The following GMPR variants were observed in gnomAD, a reference collection of about 807,000 sequenced individuals.
The protein encoded by GMPR is GMP reductase 1.
Under a neutral mutation model 38.4 loss-of-function variants are expected in GMPR, and 31 were observed. The observed-to-expected ratio is 0.81, with a 90% CI of 0.61 to 1.09. The LOEUF is 1.09. Ranked by LOEUF, GMPR falls within the 50% of genes least tolerant of loss-of-function variation. The pLI, the probability that GMPR is intolerant of heterozygous loss-of-function variation, is 0.00. For synonymous variants in GMPR, 162 were observed against 173.3 expected (o/e 0.93, Z 0.51); for missense variants, 468 against 453.7 (o/e 1.03, Z -0.29).
At chr6:16,247,591 C>T (rs1185188983) in intron 2 of GMPR, among the ~76,000 whole-genome samples, 2 of 152,106 alleles carry the variant, frequency 1.3e-5, no homozygotes, top group Non-Finnish European at 2.9e-5. Flanking sequence ...GCCAAGCTGG[C>T]CTTGAACTCC....
chr6:16,282,343 A>G (rs1356275389), intron 6 of GMPR, among the ~76,000 whole-genome samples: 1 of 152,250 alleles, frequency 6.6e-6, no homozygotes, highest in Non-Finnish European at 1.5e-5. Context: ...AGAAATACCT[A>G]AACAAATTCA....
intron 1 of GMPR, 54 bp downstream of exon 1, chr6:16,238,834 C>G (rs1327725329): frequency 2.0e-6 from 2 of 1,002,522 alleles, no homozygotes; most frequent in Non-Finnish European, 2.9e-6. Flanking sequence ...CCGGGTGGCG[C>G]GGGGCAAGTG....
At chr6:16,277,002 C>T (rs1316230381) in intron 5 of GMPR, among the ~76,000 whole-genome samples, 2 of 152,178 alleles carry the variant, frequency 1.3e-5, no homozygotes, top group Non-Finnish European at 2.9e-5. Flanking sequence ...TATCAGAACC[C>T]CAGGCCTACT....
chr6:16,280,983 C>G (rs975727118), intron 6 of GMPR, among the ~76,000 whole-genome samples: 3 of 152,096 alleles, frequency 2.0e-5, no homozygotes, highest in Admixed American at 6.5e-5. Flanking sequence ...GCTGTTTGGC[C>G]AAAGATTGGT....
At chr6:16,292,199 A>G (rs1398424532) in intron 8 of GMPR, among the ~76,000 whole-genome samples, 3 of 152,096 alleles carry the variant, frequency 2.0e-5, no homozygotes, top group Non-Finnish European at 4.4e-5. Context: ...TTCCACACCC[A>G]GAGGGTCATT....
At chr6:16,250,173 GA>G in intron 2 of GMPR, 110 bp from the exon 3 acceptor site, 1 of 724,626 alleles carries the variant, frequency 1.4e-6, no homozygotes, top group Non-Finnish European at 2.6e-6. Context: ...ATTAAGCATG[GA>G]TGGCAGGAAC....
intron 4 of GMPR, chr6:16,262,092 A>G (rs1471968648): frequency 6.6e-6 from 1 of 151,852 alleles, no homozygotes; most frequent in Non-Finnish European, 1.5e-5. Context: ...TATAACAGTT[A>G]TGGAGGCAAG....
At chr6:16,251,009 T>C (rs928869771) in intron 3 of GMPR, among the ~76,000 whole-genome samples, 2 of 151,960 alleles carry the variant, frequency 1.3e-5, no homozygotes, top group Non-Finnish European at 2.9e-5. Flanking sequence ...ACCATAAGAG[T>C]TGCCATGTGA....
chr6:16,286,736 C>G (rs1759688980), intron 7 of GMPR, among the ~76,000 whole-genome samples: 1 of 151,648 alleles, frequency 6.6e-6, no homozygotes, highest in Non-Finnish European at 1.5e-5. Flanking sequence ...TACCCCATCT[C>G]TACTAAAAAT....
At chr6:16,278,659 TC>T in intron 5 of GMPR, 124 bp from the exon 6 acceptor site, 1 of 730,494 alleles carries the variant, frequency 1.4e-6, no homozygotes. Flanking sequence ...TCCCCACATC[TC>T]CTCTGCCACA....
intron 4 of GMPR, chr6:16,264,239 T>C (rs1441481064): frequency 6.5e-6 from 1 of 153,402 alleles, no homozygotes; most frequent in African/African-American, 2.4e-5. Flanking sequence ...GGAATTGAAA[T>C]TAAAAGAAGG....
chr6:16,265,511 CT>C (rs1288664822), intron 4 of GMPR, among the ~76,000 whole-genome samples: 1 of 152,172 alleles, frequency 6.6e-6, no homozygotes, highest in Non-Finnish European at 1.5e-5. Context: ...ACTTGGAGAA[CT>C]TTTCTGTCTA....
chr6:16,268,175 A>T (rs1409247945), intron 4 of GMPR, among the ~76,000 whole-genome samples: 3 of 152,210 alleles, frequency 2.0e-5, no homozygotes, highest in African/African-American at 4.8e-5. Context: ...GCTGAAAGCT[A>T]CAAAGGTGAT....
intron 4 of GMPR, among the ~76,000 whole-genome samples, chr6:16,261,279 A>T (rs566357902): frequency 3.3e-5 from 5 of 151,998 alleles, no homozygotes; most frequent in Non-Finnish European, 5.9e-5. Flanking sequence ...GTGTGTTTTT[A>T]TAAGAATTAT....
Position 16,295,236 on chromosome 6 carries a change from T to C in GMPR, c.*50T>C, listed in dbSNP as rs747054019. On this transcript the variant is annotated 3_prime_UTR_variant, in exon 9 of 9. Transcript: ENST00000259727. ...CTCGAGTGGAAGCGTCCAAACCTGCTTTTCCCATCTCCCCCCAAGTCTGTT... is the reference window on the plus strand; with the variant it reads ...CTCGAGTGGAAGCGTCCAAACCTGCCTTTCCCATCTCCCCCCAAGTCTGTT... 7.5e-7 allele frequency: 1 copy of C among 1,337,292 alleles called. No individual in the cohort carries two copies. Among genetic ancestry groups the C allele is most frequent in the South Asian group, 1.6e-5 (1 of 64,516 alleles). The allele number at this position is 1,337,292 out of a possible 1,614,324, so 82.8% of individuals were successfully genotyped here. A position where few individuals can be genotyped will look rare whatever the true frequency, so the allele number is the denominator to read the frequency against.
At chr6:16,267,492 ACACT>A (rs1759280692) in intron 4 of GMPR, among the ~76,000 whole-genome samples, 1 of 152,168 alleles carries the variant, frequency 6.6e-6, no homozygotes. Flanking sequence ...AAGAGCTGTA[ACACT>A]CACTGCAAAG....
intron 6 of GMPR, among the ~76,000 whole-genome samples, chr6:16,284,961 G>C (rs574008038): frequency 6.7e-6 from 1 of 148,888 alleles, no homozygotes; most frequent in Admixed American, 6.7e-5. Flanking sequence ...AGAGGTTGCA[G>C]TGAGCCGAGA....
chr6:16,277,604 T>G (rs1759496717), intron 5 of GMPR, among the ~76,000 whole-genome samples: 1 of 152,230 alleles, frequency 6.6e-6, no homozygotes, highest in Non-Finnish European at 1.5e-5. Flanking sequence ...TTATTGTATA[T>G]GAGGCTCTGT....
intron 4 of GMPR, among the ~76,000 whole-genome samples, chr6:16,268,475 T>A (rs1329253639): frequency 2.0e-5 from 3 of 152,184 alleles, no homozygotes; most frequent in African/African-American, 7.2e-5. Context: ...GACGAGGTTT[T>A]GCCATATTGG....
Sources: gnomAD v4.1 joint callset for allele counts (sites outside exome capture counted in the v4.1 genomes callset) on GRCh38, gnomAD v4.1.1 for gene constraint, MANE v1.5 for transcripts, NCBI Gene and HGNC (gene_info 2026-07-23, HGNC 2026-07-21) for gene names.